HEATR4: variants seen among roughly 807,000 people sequenced by gnomAD.
HEATR4 encodes the protein HEAT repeat-containing protein 4.
In HEATR4, 95 loss-of-function variants were observed where a neutral mutation model predicts 108.8. The observed-to-expected ratio is 0.87, with a 90% CI of 0.74 to 1.04. The LOEUF is 1.04. HEATR4 is among the 50% of genes least tolerant of loss of function. The pLI, the probability that HEATR4 is intolerant of heterozygous loss-of-function variation, is 0.00. For missense variants in HEATR4, 1,152 were observed against 1,253.8 expected, an observed-to-expected ratio of 0.92 and a Z score of 1.23; for synonymous variants, 443 against 459.4, an observed-to-expected ratio of 0.96 and a Z score of 0.46.
chr14:73,485,765 C>G (rs1595076572), intron 17 of HEATR4, among the ~76,000 whole-genome samples: 1 of 151,786 alleles, frequency 6.6e-6, no homozygotes, highest in African/African-American at 2.4e-5. Flanking sequence ...CCAAGCTACT[C>G]AGGTGAGGCA....
chr14:73,524,305 AAAAAAATATAT>A (rs1888174065), intron 2 of HEATR4, among the ~76,000 whole-genome samples: 1 of 110,820 alleles, frequency 9.0e-6, no homozygotes, highest in African/African-American at 4.0e-5. Context: ...AAAAAAAAAA[AAAAAAATATAT>A]ATATATATAT....
the HEATR4 span, among the ~76,000 whole-genome samples, chr14:73,628,055 C>A: frequency 6.6e-6 from 1 of 151,798 alleles, no homozygotes. Context: ...GTGATCTGCC[C>A]GCCTTGGCCT....
the HEATR4 span, among the ~76,000 whole-genome samples, chr14:73,599,997 G>C: frequency 2.6e-5 from 4 of 152,128 alleles, no homozygotes; most frequent in Admixed American, 1.3e-4. Context: ...TATAGATGAG[G>C]CTCAGAACAG....
At chr14:73,604,456 C>T in the HEATR4 span, among the ~76,000 whole-genome samples, 1 of 151,938 alleles carries the variant, frequency 6.6e-6, no homozygotes, top group Admixed American at 6.6e-5. Context: ...TGAGCCACTG[C>T]ACCTGGCCCA....
At chr14:73,569,700 C>A in the HEATR4 span, 1 of 1,609,520 alleles carries the variant, frequency 6.2e-7, no homozygotes, top group South Asian at 1.1e-5. Flanking sequence ...ACCTTTGGTG[C>A]GGCTGGTGAA....
the HEATR4 span, among the ~76,000 whole-genome samples, chr14:73,602,772 A>G: frequency 6.6e-6 from 1 of 152,168 alleles, no homozygotes; most frequent in Non-Finnish European, 1.5e-5. Context: ...AAGAAGAGTA[A>G]ATCTTTTTTT....
chr14:73,480,713 G>A (rs1885215648), intron 17 of HEATR4, among the ~76,000 whole-genome samples: 1 of 151,994 alleles, frequency 6.6e-6, no homozygotes. Context: ...CAATGGAAGA[G>A]TATTCAGAGG....
chr14:73,481,294 C>T (rs767753686), intron 17 of HEATR4, among the ~76,000 whole-genome samples: 11 of 151,390 alleles, frequency 7.3e-5, no homozygotes, highest in African/African-American at 1.2e-4. Flanking sequence ...CAAAAATTAG[C>T]GGGGGGTGGC....
At chr14:73,527,936 GGGT>G (rs1293222268) in intron 2 of HEATR4, among the ~76,000 whole-genome samples, 2 of 137,176 alleles carry the variant, frequency 1.5e-5, no homozygotes, top group Non-Finnish European at 3.0e-5. Context: ...ACTCCAGCCT[GGGT>G]AACAGGGGCA....
At chr14:73,595,359 A>C in the HEATR4 span, 35 of 1,614,268 alleles carry the variant, frequency 2.2e-5, no homozygotes, top group Non-Finnish European at 2.9e-5. Flanking sequence ...ATTGTTGGTC[A>C]GGATGACCAT....
chr14:73,506,808 T>TTTTTTTG (rs1886876520), intron 9 of HEATR4, among the ~76,000 whole-genome samples: 1 of 111,380 alleles, frequency 9.0e-6, no homozygotes, highest in Non-Finnish European at 1.7e-5. Context: ...TTAACTGTTT[T>TTTTTTTG]TTTTTTTTTT....
chr14:73,613,514 T>G, the HEATR4 span, among the ~76,000 whole-genome samples: 1 of 152,176 alleles, frequency 6.6e-6, no homozygotes, highest in African/African-American at 2.4e-5. Context: ...GCCCTTTAAT[T>G]GTTTAAAAAC....
At chr14:73,560,131 C>G (rs1378859980), upstream of HEATR4, among the ~76,000 whole-genome samples, 3 of 152,140 alleles carry the variant, frequency 2.0e-5, no homozygotes, top group Non-Finnish European at 4.4e-5. Flanking sequence ...TACAGAAATT[C>G]TGATCTTCAA....
rs1225382069 is a variant in HEATR4, at chr14:73,502,908, G to T, written c.2092C>A (p.His698Asn). 6.2e-7 allele frequency: 1 copy of T among 1,612,002 alleles called. No homozygotes were observed. Among genetic ancestry groups the T allele is most frequent in the Non-Finnish European group, 8.5e-7 (1 of 1,178,310 alleles). Residue 698 changes from histidine to asparagine, a missense_variant, in exon 11 of 18, where the codon CAC (histidine) becomes AAC (asparagine). Coordinates refer to ENST00000553558, the MANE Select transcript of HEATR4 (RefSeq NM_001220484.1). ...ACTGGGTCTTACCTGATTATGTCGTGCACCTCTTTCCCGAGGCTCATTTGC... is the reference window on the plus strand; with the variant it reads ...ACTGGGTCTTACCTGATTATGTCGTTCACCTCTTTCCCGAGGCTCATTTGC... The part of the protein sequence containing the change: ...LGQMSLGKEV[H>N]DIIRVKLGQG...
intron 2 of HEATR4, chr14:73,527,118 C>A (rs1888387383): frequency 6.6e-6 from 1 of 152,148 alleles, no homozygotes. Flanking sequence ...GCTGCAGAGA[C>A]CGTAGGCTTA....
the HEATR4 span, among the ~76,000 whole-genome samples, chr14:73,599,903 C>T: frequency 1.3e-5 from 2 of 152,184 alleles, no homozygotes; most frequent in Non-Finnish European, 2.9e-5. Flanking sequence ...CTCTTCTATA[C>T]CCTCTCCCCC....
the HEATR4 span, among the ~76,000 whole-genome samples, chr14:73,610,037 A>G: frequency 6.6e-6 from 1 of 151,896 alleles, no homozygotes; most frequent in Non-Finnish European, 1.5e-5. Context: ...TACCTGGATA[A>G]ACACCTCAGG....
At chr14:73,617,197 G>A in the HEATR4 span, 116,120 of 1,613,918 alleles carry the variant, frequency 0.072, 6,845 homozygotes, top group African/African-American at 0.28. Context: ...CCAAAGGTGC[G>A]TTCTGGTGAT....
intron 14 of HEATR4, 112 bp from the exon 15 acceptor site, chr14:73,496,791 C>A (rs1886133242): frequency 1.5e-6 from 1 of 670,630 alleles, no homozygotes; most frequent in Non-Finnish European, 2.7e-6. Flanking sequence ...CCAATCCTAA[C>A]TGTGCAGTTT....
Sources: gnomAD v4.1 joint callset for allele counts (sites outside exome capture counted in the v4.1 genomes callset) on GRCh38, gnomAD v4.1.1 for gene constraint, MANE v1.5 for transcripts, NCBI Gene and HGNC (gene_info 2026-07-23, HGNC 2026-07-21) for gene names.